Variants in TEX36 observed in about 807,000 individuals in gnomAD.
TEX36 encodes the protein testis expressed 36.
In TEX36, 12 loss-of-function variants were observed where a neutral mutation model predicts 13.6. The observed-to-expected ratio is 0.88, with a 90% confidence interval of 0.56 to 1.43. The LOEUF (loss-of-function observed/expected upper bound fraction) is 1.43, where lower values mean the gene tolerates loss of function less well. TEX36 is among the 40% of genes most tolerant of loss of function. The pLI is 0.00. For missense variants in TEX36, 224 were observed against 228.3 expected (o/e 0.98, Z 0.12); for synonymous variants, 93 against 83.0 (o/e 1.12, Z -0.65).
rs970057566 is a variant in TEX36, at chr10:125,640,272, G to C, written c.265-18627C>G. 6 of 909,674 alleles carry C rather than the reference G, an allele frequency of 6.6e-6. No homozygotes were observed. In the Admixed American group the frequency reaches 3.7e-4, roughly 56 times the overall value. 56.4% of individuals were successfully genotyped at this position (909,674 alleles called of 1,614,324 possible). A position where few individuals can be genotyped will look rare whatever the true frequency, so the allele number is the denominator to read the frequency against. On this transcript the variant is annotated intron_variant, in intron 3 of 3. Transcript: ENST00000526819. The stretch of plus-strand genomic sequence containing the variant: ...AAATAGGATTTGTGTTCTTGTGCCT[G>C]TATTACCCAATTTGGGAACTTACAG...
intron 3 of TEX36, among the ~76,000 whole-genome samples, chr10:125,640,822 T>C (rs9422906): frequency 0.65 from 99,289 of 151,900 alleles, 34,667 homozygotes; most frequent in African/African-American, 0.92. Context: ...GCAAAGAGCC[T>C]GAAGGAGAAA....
intron 3 of TEX36, among the ~76,000 whole-genome samples, chr10:125,623,599 C>T (rs907137690): frequency 1.4e-5 from 2 of 147,598 alleles, no homozygotes; most frequent in Non-Finnish European, 3.0e-5. Context: ...AAAAAAAAGT[C>T]TCCTGTTAGT....
chr10:125,597,638 G>A (rs1156730239), intron 3 of TEX36, among the ~76,000 whole-genome samples: 1 of 152,210 alleles, frequency 6.6e-6, no homozygotes, highest in East Asian at 1.9e-4. Context: ...ATTGGTCAAG[G>A]AAGCAAGGCT....
intron 3 of TEX36, among the ~76,000 whole-genome samples, chr10:125,622,181 G>A (rs1242281455): frequency 2.0e-5 from 3 of 152,114 alleles, no homozygotes; most frequent in Non-Finnish European, 4.4e-5. Context: ...CAATAATAAG[G>A]TCGTAATTAT....
chr10:125,654,863 C>G (rs1358140366), downstream of TEX36, among the ~76,000 whole-genome samples: 2 of 152,246 alleles, frequency 1.3e-5, no homozygotes, highest in African/African-American at 4.8e-5. Flanking sequence ...TGCATTATTT[C>G]TCAACACTTT....
intron 3 of TEX36, among the ~76,000 whole-genome samples, chr10:125,648,392 C>T (rs1034990266): frequency 2.0e-5 from 3 of 152,230 alleles, no homozygotes; most frequent in Non-Finnish European, 2.9e-5. Context: ...AGGCAAACAG[C>T]ATCCGGAGTG....
At chr10:125,598,569 C>T (rs1846108775) in intron 3 of TEX36, among the ~76,000 whole-genome samples, 1 of 152,206 alleles carries the variant, frequency 6.6e-6, no homozygotes, top group African/African-American at 2.4e-5. Flanking sequence ...GCCAAGCCGG[C>T]CTAATTTTCA....
chr10:125,683,103 C>T lies in TEX36; in HGVS notation c.-114G>A. 8.5e-7 allele frequency: 1 copy of T among 1,172,636 alleles called. No homozygotes were observed. The highest frequency in any genetic ancestry group is 2.0e-5 in the Admixed American group (1 of 50,270). 72.6% of individuals were successfully genotyped at this position (1,172,636 alleles called of 1,614,324 possible). ...TAAGCTCTACACGTCTGGGAAGCTCCTCCTCCTCCTTGTTCCTGATCTTTA... is the reference window on the plus strand; with the variant it reads ...TAAGCTCTACACGTCTGGGAAGCTCTTCCTCCTCCTTGTTCCTGATCTTTA... On this transcript the variant is annotated 5_prime_UTR_variant, in exon 1 of 4. Coordinates refer to ENST00000368821, the MANE Select transcript of TEX36 (RefSeq NM_001128202.3).
At chr10:125,586,149 T>G (rs1347461889) in intron 3 of TEX36, among the ~76,000 whole-genome samples, 2 of 152,250 alleles carry the variant, frequency 1.3e-5, no homozygotes, top group Non-Finnish European at 2.9e-5. Context: ...TATACACATG[T>G]AGATAGCATA....
At chr10:125,637,429 A>G (rs1224658404) in intron 3 of TEX36, among the ~76,000 whole-genome samples, 1 of 152,106 alleles carries the variant, frequency 6.6e-6, no homozygotes, top group African/African-American at 2.4e-5. Context: ...CCTTTTTAAG[A>G]CTAGATGAGA....
rs56727269 is a variant in TEX36, at chr10:125,605,586, G to GTTTATTTA, written c.265-28720_265-28713dup. Among the ~76,000 whole-genome samples the GTTTATTTA allele has an allele frequency of 7.8e-3, 1,175 of 151,392 alleles. 3 individuals are homozygous for GTTTATTTA. The highest frequency in any genetic ancestry group is 0.027 in the Middle Eastern group (8 of 294). ...TGAAGAAACTTTCTGGGTCCAAGATGTTTATTTATTTATTTATTTATTTAT... is the reference window on the plus strand; with the variant it reads ...TGAAGAAACTTTCTGGGTCCAAGATGTTTATTTATTTATTTATTTATTTATTTATTTAT... On this transcript the variant is annotated intron_variant, in intron 3 of 3. Transcript: ENST00000532135.
intron 1 of TEX36, among the ~76,000 whole-genome samples, chr10:125,677,093 T>C (rs1372403095): frequency 6.6e-6 from 1 of 152,234 alleles, no homozygotes; most frequent in African/African-American, 2.4e-5. Context: ...TTTCCTTTAT[T>C]GATGACTAAT....
intron 1 of TEX36, among the ~76,000 whole-genome samples, 198 bp downstream of exon 1, chr10:125,682,741 A>G (rs145147283): frequency 1.3e-5 from 2 of 152,364 alleles, no homozygotes; most frequent in African/African-American, 4.8e-5. Context: ...AGCATTTTAC[A>G]TGCATTATTT....
At chr10:125,612,055 C>CCTTTTCTTTT (rs1164463487) in intron 3 of TEX36, among the ~76,000 whole-genome samples, 4 of 151,354 alleles carry the variant, frequency 2.6e-5, no homozygotes. Flanking sequence ...TTTTCCACTC[C>CCTTTTCTTTT]CTTTTCTTTT....
intron 1 of TEX36, among the ~76,000 whole-genome samples, chr10:125,677,639 C>T (rs1847331352): frequency 6.6e-6 from 1 of 151,940 alleles, no homozygotes; most frequent in Non-Finnish European, 1.5e-5. Flanking sequence ...TATTATTTTT[C>T]AGCCTTCTCT....
intron 1 of TEX36, among the ~76,000 whole-genome samples, chr10:125,663,578 A>T (rs1847078613): frequency 6.6e-6 from 1 of 152,116 alleles, no homozygotes; most frequent in Non-Finnish European, 1.5e-5. Context: ...TTGTCTTTTT[A>T]GTAATAGCTA....
At chr10:125,658,916 CA>C (rs908602551) in intron 3 of TEX36, among the ~76,000 whole-genome samples, 1 of 151,946 alleles carries the variant, frequency 6.6e-6, no homozygotes, top group Non-Finnish European at 1.5e-5. Flanking sequence ...TTAACAAAAA[CA>C]ATTGCAAGTA....
At chr10:125,668,155 A>T (rs949419541) in intron 1 of TEX36, among the ~76,000 whole-genome samples, 6 of 152,104 alleles carry the variant, frequency 3.9e-5, no homozygotes, top group African/African-American at 1.2e-4. Flanking sequence ...TGGTTTTGGT[A>T]TCAGTGTGAT....
intron 1 of TEX36, among the ~76,000 whole-genome samples, chr10:125,673,772 G>T (rs1475767099): frequency 1.3e-5 from 2 of 150,914 alleles, no homozygotes; most frequent in African/African-American, 4.9e-5. Context: ...GGCTTGTAGG[G>T]TTTCTGCTGA....
Sources: gnomAD v4.1 joint callset for allele counts (sites outside exome capture counted in the v4.1 genomes callset) on GRCh38, gnomAD v4.1.1 for gene constraint, MANE v1.5 for transcripts, NCBI Gene and HGNC (gene_info 2026-07-23, HGNC 2026-07-21) for gene names.